Variants in ARHGEF11 observed in about 807,000 individuals in gnomAD.
The protein encoded by ARHGEF11 is Rho guanine nucleotide exchange factor 11.
ARHGEF11 carries 55 observed loss-of-function variants against 193.7 expected under a neutral mutation model. That is an observed-to-expected ratio of 0.28 (90% confidence interval 0.23 to 0.36). The LOEUF (loss-of-function observed/expected upper bound fraction) is 0.36. ARHGEF11 is among the 10% of genes least tolerant of loss of function. ARHGEF11 has a pLI of 1.00. For missense variants in ARHGEF11, 1,723 were observed against 2,005.6 expected (o/e 0.86, Z 2.69); for synonymous variants, 693 against 768.0 (o/e 0.90, Z 1.62).
At chr1:156,959,941 C>T (rs374854888) in intron 15 of ARHGEF11, among the ~76,000 whole-genome samples, 4 of 96,052 alleles carry the variant, frequency 4.2e-5, no homozygotes, top group Non-Finnish European at 8.8e-5. Context: ...CTCCCCCCCC[C>T]CCAAAAAAAA....
chr1:156,946,453 G>A (rs1658134945), intron 28 of ARHGEF11, among the ~76,000 whole-genome samples: 1 of 152,224 alleles, frequency 6.6e-6, no homozygotes, highest in South Asian at 2.1e-4. Flanking sequence ...TGGTGGGTGA[G>A]CCAGGCCTCT....
At chr1:156,981,955 G>C (rs965995904) in intron 3 of ARHGEF11, among the ~76,000 whole-genome samples, 1 of 152,110 alleles carries the variant, frequency 6.6e-6, no homozygotes, top group African/African-American at 2.4e-5. Flanking sequence ...CTCCCACAAA[G>C]CCCATCTAAA....
intron 40 of ARHGEF11, 26 bp from the exon 41 acceptor site, chr1:156,936,084 A>G: frequency 6.2e-7 from 1 of 1,613,006 alleles, no homozygotes; most frequent in Non-Finnish European, 8.5e-7. Context: ...GAAGGTGAGG[A>G]ACTGGCCAGC....
chr1:156,953,684 C>A lies in ARHGEF11; in HGVS notation c.1798+1208G>T, dbSNP rs554768889. Among the ~76,000 whole-genome samples, 906 of 152,138 alleles carry A rather than the reference C, an allele frequency of 6.0e-3. 6 individuals carry two copies. Among genetic ancestry groups the A allele is most frequent in the African/African-American group, 0.019 (792 of 41,492 alleles). ...TTGCATCCCATTGCTGTCTCTCTCT[C>A]TCTCTCTATATATATTTATTGTAGA... On this transcript the variant is annotated intron_variant, in intron 21 of 40. Transcript: ENST00000368194.
At chr1:157,037,269 A>C (rs1672160421) in intron 1 of ARHGEF11, among the ~76,000 whole-genome samples, 1 of 152,066 alleles carries the variant, frequency 6.6e-6, no homozygotes, top group Admixed American at 6.6e-5. Context: ...ATCTTTTCCT[A>C]AGATTGCTAC....
In ARHGEF11 at chr1:156,945,110, G is replaced by C; in HGVS notation, c.2900C>G (p.Thr967Arg). ...GCCCTCTAAACGGTGGCGGTTCTCTGTTTGTTTTACCGCTTCATTCACATA... is the reference window on the plus strand; with the variant it reads ...GCCCTCTAAACGGTGGCGGTTCTCTCTTTGTTTTACCGCTTCATTCACATA... Reference protein sequence around the residue: ...LKYVNEAVKQTENRHRLEGYQ... With the variant: ...LKYVNEAVKQRENRHRLEGYQ... Residue 967 changes from threonine (T) to arginine (R), a missense_variant, in exon 30 of 41, where the codon ACA becomes AGA. This residue lies in a region of ARHGEF11 where 491 missense variants were observed against 654.5 expected (regional missense o/e 0.75). Transcript: ENST00000368194. 6.2e-7 allele frequency: 1 copy of C among 1,614,190 alleles called. No individual in the cohort carries two copies. Among genetic ancestry groups the C allele is most frequent in the African/African-American group, 1.3e-5 (1 of 75,048 alleles).
At chr1:157,021,800 T>G (rs936958040) in intron 1 of ARHGEF11, among the ~76,000 whole-genome samples, 1 of 152,146 alleles carries the variant, frequency 6.6e-6, no homozygotes, top group Non-Finnish European at 1.5e-5. Context: ...AAAATCCTCA[T>G]CAAAATATCA....
At chr1:156,983,299 C>T (rs1664456685) in intron 3 of ARHGEF11, among the ~76,000 whole-genome samples, 1 of 152,138 alleles carries the variant, frequency 6.6e-6, no homozygotes, top group Non-Finnish European at 1.5e-5. Context: ...CTTGGCTCAC[C>T]GCAAGCTCCG....
At chr1:156,941,079 G>C (rs1236910741) in intron 35 of ARHGEF11, among the ~76,000 whole-genome samples, 4 of 149,126 alleles carry the variant, frequency 2.7e-5, no homozygotes, top group Non-Finnish European at 6.0e-5. Context: ...AGGATGCAGG[G>C]CCCGTGGATC....
At position 156,938,498 on chromosome 1, in the gene ARHGEF11, C is replaced by T. The variant is rs747208234; in HGVS notation, c.4112G>A (p.Ser1371Asn). 2 of 1,613,204 alleles carry T rather than the reference C, an allele frequency of 1.2e-6. No individual in the cohort carries two copies. Among genetic ancestry groups the T allele is most frequent in the African/African-American group, 2.7e-5 (2 of 74,900 alleles). The stretch of plus-strand genomic sequence containing the variant: ...CTCTGGTAGTGCAGGGACAACCTTG[C>T]TGCCTGCCACCTCAGCTGCACCGAC... ...KVVRKAEVAG[S>N]KVVPALPESG... The change falls in exon 38 of 41, where the codon AGC (serine) becomes AAC (asparagine). Residue 1371 changes from serine (S) to asparagine (N), a missense_variant. This residue lies in a region of ARHGEF11 where 360 missense variants were observed against 344.4 expected (regional missense o/e 1.05). Coordinates refer to ENST00000368194, the MANE Select transcript of ARHGEF11 (RefSeq NM_198236.3).
chr1:156,995,914 C>T (rs888397907), intron 1 of ARHGEF11, among the ~76,000 whole-genome samples: 14 of 152,106 alleles, frequency 9.2e-5, no homozygotes, highest in Admixed American at 9.2e-4. Flanking sequence ...TGTTCTCATG[C>T]ATACTTGTCC....
At chr1:156,946,630 G>T in intron 28 of ARHGEF11, 32 bp downstream of exon 28, 1 of 1,613,006 alleles carries the variant, frequency 6.2e-7, no homozygotes, top group Non-Finnish European at 8.5e-7. Flanking sequence ...TGATGGAGAT[G>T]AAGGAAGGCC....
intron 1 of ARHGEF11, among the ~76,000 whole-genome samples, chr1:157,003,070 T>A (rs1168535958): frequency 6.6e-6 from 1 of 152,262 alleles, no homozygotes; most frequent in African/African-American, 2.4e-5. Context: ...TGATTGATTG[T>A]TGATTATTCA....
rs1332619669 is a variant in ARHGEF11, at chr1:156,968,208, C to A, written c.826-84G>T. Reference sequence around the variant, plus strand: ...GCTCATTTGGTGTTGGTGGTGATAACCATACTTATAACATCAGCTAAGAGA... The same window carrying A: ...GCTCATTTGGTGTTGGTGGTGATAAACATACTTATAACATCAGCTAAGAGA... On this transcript the variant is annotated intron_variant, in intron 10 of 40. Coordinates refer to ENST00000368194, the MANE Select transcript of ARHGEF11 (RefSeq NM_198236.3). 5 of 1,475,488 alleles carry A rather than the reference C, an allele frequency of 3.4e-6. No individual in the cohort carries two copies. In the South Asian group the frequency reaches 5.3e-5, roughly 16 times the overall value. 91.4% of individuals were successfully genotyped at this position (1,475,488 alleles called of 1,614,324 possible).
chr1:156,992,922 C>T (rs112152031), intron 1 of ARHGEF11, among the ~76,000 whole-genome samples: 17 of 152,320 alleles, frequency 1.1e-4, no homozygotes, highest in African/African-American at 4.1e-4. Context: ...AAGCAAATAA[C>T]ATCACGTCCT....
At position 157,044,289 on chromosome 1, in the gene ARHGEF11, G is replaced by A. The variant is rs1673112364; in HGVS notation, c.32+10C>T. Reference sequence around the variant, plus strand: ...TCAATGTTGAAAAATCAAATTATTAGCAAACCTACCTGTCTATACTCTGGG... The same window carrying A: ...TCAATGTTGAAAAATCAAATTATTAACAAACCTACCTGTCTATACTCTGGG... On this transcript the variant is annotated intron_variant, in intron 1 of 40. Coordinates refer to ENST00000368194, the MANE Select transcript of ARHGEF11 (RefSeq NM_198236.3). 2 of 1,612,026 alleles carry A rather than the reference G, an allele frequency of 1.2e-6. No individual in the cohort carries two copies. Among genetic ancestry groups the A allele is most frequent in the Non-Finnish European group, 8.5e-7 (1 of 1,179,102 alleles).
intron 1 of ARHGEF11, among the ~76,000 whole-genome samples, chr1:157,001,963 T>C (rs1211496919): frequency 6.6e-6 from 1 of 152,190 alleles, no homozygotes; most frequent in African/African-American, 2.4e-5. Context: ...TCCTAAAGGT[T>C]TGAATATTTG....
At chr1:157,016,367 C>T (rs977269571) in intron 1 of ARHGEF11, among the ~76,000 whole-genome samples, 2 of 151,964 alleles carry the variant, frequency 1.3e-5, no homozygotes, top group African/African-American at 4.8e-5. Flanking sequence ...TTATAGACAC[C>T]TGCCACCACA....
Position 156,935,740 on chromosome 1 carries a change from T to G in ARHGEF11, c.*260A>C. 2.1e-6 allele frequency: 1 copy of G among 480,954 alleles called. No homozygotes were observed. 29.8% of individuals were successfully genotyped at this position (480,954 alleles called of 1,614,324 possible). On this transcript the variant is annotated 3_prime_UTR_variant, in exon 41 of 41. Coordinates refer to ENST00000368194, the MANE Select transcript of ARHGEF11 (RefSeq NM_198236.3). ...GGCAGACCATGGTGAGTGGGGGCCT[T>G]TCGGATGCAGTCAGCATGCTTAGGA...
Sources: gnomAD v4.1 joint callset for allele counts (sites outside exome capture counted in the v4.1 genomes callset) on GRCh38, gnomAD v4.1.1 for gene constraint, gnomAD v4.1.1 regional missense constraint, MANE v1.5 for transcripts, NCBI Gene and HGNC (gene_info 2026-07-23, HGNC 2026-07-21) for gene names.